SAXO1: variants seen among roughly 807,000 people sequenced by gnomAD.
SAXO1 encodes 4930500O09Rik.
In SAXO1, 21 loss-of-function variants were observed where a neutral mutation model predicts 17.5. The ratio of observed to expected loss-of-function variants is 1.20; its 90% CI spans 0.85 to 1.72. The LOEUF is 1.72. SAXO1 is among the 40% of genes most tolerant of loss of function. SAXO1 has a pLI of 0.00. For missense variants in SAXO1, 843 were observed against 596.0 expected (o/e 1.41, Z -4.32); for synonymous variants, 274 against 216.5 (o/e 1.27, Z -2.33).
chr9:18,972,132 C>G (rs1446188810), intron 1 of SAXO1, among the ~76,000 whole-genome samples: 1 of 152,194 alleles, frequency 6.6e-6, no homozygotes, highest in Non-Finnish European at 1.5e-5. Context: ...CTCCCAGATG[C>G]TGGCAAAGTT....
chr9:19,043,384 G>T (rs1484835293), intron 1 of SAXO1, among the ~76,000 whole-genome samples: 1 of 152,146 alleles, frequency 6.6e-6, no homozygotes, highest in African/African-American at 2.4e-5. Context: ...CAGAAGAATG[G>T]TTACCAGAGG....
chr9:19,003,278 T>C (rs1162543354), intron 1 of SAXO1, among the ~76,000 whole-genome samples: 1 of 152,284 alleles, frequency 6.6e-6, no homozygotes, highest in Non-Finnish European at 1.5e-5. Context: ...TCCATGCGCA[T>C]GGATAGGAAG....
intron 1 of SAXO1, among the ~76,000 whole-genome samples, chr9:18,992,118 A>C (rs933720691): frequency 1.3e-5 from 2 of 152,248 alleles, no homozygotes; most frequent in Admixed American, 6.5e-5. Flanking sequence ...AATCAGGCTG[A>C]AAAGATTTAT....
intron 1 of SAXO1, among the ~76,000 whole-genome samples, chr9:19,015,680 T>C (rs956409810): frequency 6.6e-6 from 1 of 150,854 alleles, no homozygotes; most frequent in African/African-American, 2.4e-5. Context: ...AGTATCACTA[T>C]GTGGCCCAGG....
chr9:19,003,163 A>C (rs1292496577), intron 1 of SAXO1, among the ~76,000 whole-genome samples: 1 of 152,220 alleles, frequency 6.6e-6, no homozygotes, highest in East Asian at 1.9e-4. Flanking sequence ...AGAGAATAAA[A>C]TACCTAGGAA....
chr9:18,961,784 G>C (rs530504278), intron 1 of SAXO1, among the ~76,000 whole-genome samples: 2 of 152,284 alleles, frequency 1.3e-5, no homozygotes, highest in South Asian at 4.1e-4. Context: ...TGTGAATAGT[G>C]CTTCAATAAA....
intron 1 of SAXO1, among the ~76,000 whole-genome samples, chr9:18,970,315 T>C (rs532320986): frequency 8.5e-5 from 13 of 152,214 alleles, no homozygotes; most frequent in Non-Finnish European, 1.9e-4. Context: ...GCTTCATAAT[T>C]TCTCCCTCCA....
chr9:19,030,394 G>C (rs1055968378), intron 1 of SAXO1, among the ~76,000 whole-genome samples: 1 of 151,654 alleles, frequency 6.6e-6, no homozygotes, highest in Non-Finnish European at 1.5e-5. Flanking sequence ...TACAATGGAG[G>C]AGGGACCCAG....
intron 1 of SAXO1, among the ~76,000 whole-genome samples, chr9:18,959,420 G>C (rs989074540): frequency 4.6e-5 from 7 of 152,156 alleles, no homozygotes; most frequent in Admixed American, 2.0e-4. Context: ...ATCAGAGCCA[G>C]GTCTGCTGGC....
chr9:19,026,466 TAA>T (rs1271690324), intron 1 of SAXO1, among the ~76,000 whole-genome samples: 4 of 152,206 alleles, frequency 2.6e-5, no homozygotes, highest in African/African-American at 9.6e-5. Context: ...CTTTCAGCTT[TAA>T]AAGTCTGATT....
intron 1 of SAXO1, among the ~76,000 whole-genome samples, chr9:18,958,217 G>A (rs887884919): frequency 6.6e-6 from 1 of 152,046 alleles, no homozygotes; most frequent in Admixed American, 6.6e-5. Context: ...TGAGGTCAGG[G>A]GTTCGAGACT....
intron 1 of SAXO1, among the ~76,000 whole-genome samples, chr9:18,969,042 C>T (rs1354977687): frequency 7.5e-5 from 11 of 146,274 alleles, no homozygotes; most frequent in African/African-American, 3.0e-4. Flanking sequence ...GGGGCCCACT[C>T]TGTTCTCTTT....
chr9:19,024,455 G>A (rs12348730), intron 1 of SAXO1, among the ~76,000 whole-genome samples: 1 of 151,476 alleles, frequency 6.6e-6, no homozygotes, highest in Admixed American at 6.6e-5. Context: ...GGTGGGGCGA[G>A]GGGGGGAGGG....
In SAXO1 at chr9:19,012,326, C is replaced by T. The variant is rs971438936; in HGVS notation, c.38+20545G>A. Among the ~76,000 whole-genome samples the T allele has an allele frequency of 3.3e-4, 50 of 152,252 alleles. 3 individuals carry two copies. On this transcript the variant is annotated intron_variant, in intron 1 of 3. Transcript: ENST00000380534. ...CTAGTTTTACTTTCTGAAACCTCTG[C>T]AATCTCTTTAGGGACAGTTAGAGGC...
chr9:18,974,230 A>G (rs956387191), intron 1 of SAXO1, among the ~76,000 whole-genome samples: 15 of 152,380 alleles, frequency 9.8e-5, no homozygotes, highest in African/African-American at 3.1e-4. Context: ...CTAAACATGG[A>G]AAGAAGAAAG....
At chr9:19,001,805 A>G (rs1834282575) in intron 1 of SAXO1, among the ~76,000 whole-genome samples, 1 of 152,204 alleles carries the variant, frequency 6.6e-6, no homozygotes, top group Non-Finnish European at 1.5e-5. Context: ...AAAGATCTAA[A>G]ATCGGCACCC....
At chr9:19,005,159 C>T (rs1164932392) in intron 1 of SAXO1, among the ~76,000 whole-genome samples, 1 of 152,092 alleles carries the variant, frequency 6.6e-6, no homozygotes, top group Non-Finnish European at 1.5e-5. Flanking sequence ...GATAGACACC[C>T]CATGTTGATG....
At chr9:19,045,287 G>C (rs977093990) in intron 1 of SAXO1, among the ~76,000 whole-genome samples, 2 of 127,920 alleles carry the variant, frequency 1.6e-5, no homozygotes, top group Admixed American at 2.0e-4. Flanking sequence ...TCCGCAGTCC[G>C]GCCTGGGCGA....
At chr9:18,931,489 G>C (rs961425868) in intron 3 of SAXO1, among the ~76,000 whole-genome samples, 1 of 152,220 alleles carries the variant, frequency 6.6e-6, no homozygotes, top group African/African-American at 2.4e-5. Flanking sequence ...AGAAGTCTGT[G>C]TGTGAACATA....
Sources: gnomAD v4.1 joint callset for allele counts (sites outside exome capture counted in the v4.1 genomes callset) on GRCh38, gnomAD v4.1.1 for gene constraint, MANE v1.5 for transcripts, NCBI Gene and HGNC (gene_info 2026-07-23, HGNC 2026-07-21) for gene names.